Variants in CASP10 observed in about 807,000 individuals in gnomAD.
CASP10 encodes caspase 10, also known as caspase-10.
Under a neutral mutation model 48.5 loss-of-function variants are expected in CASP10, and 41 were observed. The observed-to-expected ratio is 0.85, with a 90% CI of 0.66 to 1.10. The LOEUF (loss-of-function observed/expected upper bound fraction) is 1.10. Among genes scored for constraint, CASP10 ranks in the 50% least tolerant of loss-of-function variants. The probability of loss-of-function intolerance (pLI) is 0.00; values close to 1 mark genes in which losing one functional copy is unlikely to be tolerated. For missense variants in CASP10, 614 were observed against 614.5 expected (o/e 1.00, Z 0.01); for synonymous variants, 232 against 238.4 (o/e 0.97, Z 0.25).
chr2:201,216,122 T>C (rs1322962414), intron 9 of CASP10, among the ~76,000 whole-genome samples: 2 of 151,124 alleles, frequency 1.3e-5, no homozygotes, highest in East Asian at 1.9e-4. Context: ...AATATTTAAG[T>C]TAATGATATT....
intron 9 of CASP10, among the ~76,000 whole-genome samples, chr2:201,211,806 TA>T (rs1483718132): frequency 6.6e-6 from 1 of 152,298 alleles, no homozygotes; most frequent in East Asian, 1.9e-4. Flanking sequence ...CTATTTTCCA[TA>T]ATGGCTGTAC....
intron 4 of CASP10, 152 bp from the exon 5 acceptor site, chr2:201,195,690 T>A (rs1944765539): frequency 1.6e-6 from 1 of 637,702 alleles, no homozygotes; most frequent in African/African-American, 1.8e-5. Context: ...TTTTTTTTCT[T>A]TTTTTTGAGA....
chr2:201,219,564 G>A lies in CASP10; in HGVS notation c.*1823G>A, dbSNP rs1945669594. ...GGCCCAAGGCATGAGGAGAGAGGCT[G>A]TGTCAGAAACTGAAGCTGTTCTCAG... On this transcript the variant is annotated 3_prime_UTR_variant, in exon 10 of 10. Coordinates refer to ENST00000286186, the MANE Select transcript of CASP10 (RefSeq NM_032977.4). 2.0e-6 allele frequency: 2 copies of A among 985,522 alleles called. No individual in the cohort carries two copies. Among genetic ancestry groups the A allele is most frequent in the Non-Finnish European group, 1.2e-6 (1 of 830,012 alleles). 61.0% of individuals were successfully genotyped at this position (985,522 alleles called of 1,614,324 possible).
rs886067197 is a variant in CASP10, at chr2:201,208,289, G to T, written c.922+106G>T. The T allele has an allele frequency of 4.1e-6, 6 of 1,459,794 alleles. No individual in the cohort carries two copies. In the African/African-American group the frequency reaches 8.6e-5, roughly 21 times the overall value. The allele number at this position is 1,459,794 out of a possible 1,614,324, so 90.4% of individuals were successfully genotyped here. A position where few individuals can be genotyped will look rare whatever the true frequency, so the allele number is the denominator to read the frequency against. ...ACTTTTATCTTCCATATACGTGTAA[G>T]GATGATATCATGTTTCTGAGCCTCT... On this transcript the variant is annotated intron_variant, in intron 8 of 9. Coordinates refer to ENST00000286186, the MANE Select transcript of CASP10 (RefSeq NM_032977.4).
At chr2:201,216,868 C>T (rs144852897) in intron 9 of CASP10, among the ~76,000 whole-genome samples, 207 of 152,222 alleles carry the variant, frequency 1.4e-3, no homozygotes, top group African/African-American at 4.8e-3. Context: ...TATGTATTGC[C>T]TACCCTGAGA....
chr2:201,186,126 T>G lies in CASP10; in HGVS notation c.347+2T>G, dbSNP rs536573363. ...CCGACAAAGGGTTTCTCTGTTTAGG[T>G]GAGGACGGGTCTGTGGTGGAGATGG... On this transcript the variant is annotated splice_donor_variant, in intron 2 of 9. Transcript: ENST00000286186. LOFTEE classifies it high-confidence loss of function. 8.7e-6 allele frequency: 14 copies of G among 1,607,850 alleles called. No homozygotes were observed. The South Asian group carries it at 1.5e-4, about 18-fold the overall frequency.
chr2:201,221,009 A>G lies in CASP10; in HGVS notation c.*3268A>G. Reference sequence around the variant, plus strand: ...AAAACATTAGCTGTTGGGAAGACGAAAAAGAATGTGTCCTATGTGTGCATC... The same window carrying G: ...AAAACATTAGCTGTTGGGAAGACGAGAAAGAATGTGTCCTATGTGTGCATC... On this transcript the variant is annotated 3_prime_UTR_variant, in exon 10 of 10. Transcript: ENST00000286186. 1 of 985,420 alleles carries G rather than the reference A, an allele frequency of 1.0e-6. No homozygotes were observed. The allele number at this position is 985,420 out of a possible 1,614,324, so 61.0% of individuals were successfully genotyped here.
intron 3 of CASP10, among the ~76,000 whole-genome samples, chr2:201,188,336 T>G (rs1311029045): frequency 6.6e-6 from 1 of 151,960 alleles, no homozygotes; most frequent in Non-Finnish European, 1.5e-5. Context: ...TGCACCACCA[T>G]GCCCAGCTAA....
chr2:201,203,650 C>G, intron 5 of CASP10, 80 bp from the exon 6 acceptor site: 1 of 1,232,064 alleles, frequency 8.1e-7, no homozygotes, highest in Non-Finnish European at 1.2e-6. Context: ...CTGTCCTTCC[C>G]TGCATCAAGT....
At chr2:201,214,041 T>C (rs1945489711) in intron 9 of CASP10, 1 of 152,146 alleles carries the variant, frequency 6.6e-6, no homozygotes, top group African/African-American at 2.4e-5. Context: ...AGTATAGGGG[T>C]ATTTTTACTA....
intron 1 of CASP10, among the ~76,000 whole-genome samples, chr2:201,185,437 A>G (rs540352636): frequency 6.6e-6 from 1 of 152,310 alleles, no homozygotes; most frequent in East Asian, 1.9e-4. Flanking sequence ...AAGGGCTCCA[A>G]TCAGGCTACC....
rs373782292 is a variant in CASP10 at position 201,198,676 on chromosome 2, G to T, written c.684+2728G>T. Among the ~76,000 whole-genome samples the T allele has an allele frequency of 1.2e-4, 18 of 151,320 alleles. No homozygotes were observed. In the South Asian group the frequency reaches 1.7e-3, roughly 14 times the overall value. On this transcript the variant is annotated intron_variant, in intron 5 of 9. Coordinates refer to ENST00000286186, the MANE Select transcript of CASP10 (RefSeq NM_032977.4). ...CTGCCTCATCCTTCCAAGTAGCTGGGACCACAGGCGCCCGCCACCACGCCT... is the reference window on the plus strand; with the variant it reads ...CTGCCTCATCCTTCCAAGTAGCTGGTACCACAGGCGCCCGCCACCACGCCT...
chr2:201,195,024 G>T (rs779294867), intron 4 of CASP10, among the ~76,000 whole-genome samples: 2 of 152,050 alleles, frequency 1.3e-5, no homozygotes, highest in African/African-American at 2.4e-5. Flanking sequence ...TGATCAGCCT[G>T]CCTCGGCCTC....
intron 2 of CASP10, among the ~76,000 whole-genome samples, chr2:201,186,858 T>C (rs1329053796): frequency 1.3e-5 from 2 of 152,094 alleles, no homozygotes; most frequent in Non-Finnish European, 2.9e-5. Flanking sequence ...GGCTAATTTT[T>C]GTATTTTTAG....
At chr2:201,203,806 A>G (rs201344920) in intron 6 of CASP10, 40 bp downstream of exon 6, 3 of 1,500,332 alleles carry the variant, frequency 2.0e-6, no homozygotes, top group Non-Finnish European at 2.8e-6. Context: ...TTAGATCGGT[A>G]TGGTAGGGAT....
At chr2:201,211,288 A>G (rs553872177) in intron 9 of CASP10, among the ~76,000 whole-genome samples, 284 of 152,312 alleles carry the variant, frequency 1.9e-3, no homozygotes, top group Admixed American at 4.1e-3. Flanking sequence ...AGAATGCCTT[A>G]CTGTTAACCA....
intron 9 of CASP10, among the ~76,000 whole-genome samples, chr2:201,215,859 C>A (rs1339422456): frequency 6.6e-6 from 1 of 151,868 alleles, no homozygotes; most frequent in Non-Finnish European, 1.5e-5. Flanking sequence ...GTTGTCCAGG[C>A]TAGACTTGAA....
At chr2:201,198,679 C>T (rs988035902) in intron 5 of CASP10, among the ~76,000 whole-genome samples, 5 of 151,204 alleles carry the variant, frequency 3.3e-5, no homozygotes, top group Non-Finnish European at 5.9e-5. Flanking sequence ...TAGCTGGGAC[C>T]ACAGGCGCCC....
intron 9 of CASP10, among the ~76,000 whole-genome samples, chr2:201,216,896 A>G (rs897686206): frequency 2.6e-5 from 4 of 152,128 alleles, no homozygotes; most frequent in Non-Finnish European, 5.9e-5. Flanking sequence ...GCTAAATGCT[A>G]TATGTCCTGC....
Sources: gnomAD v4.1 joint callset for allele counts (sites outside exome capture counted in the v4.1 genomes callset) on GRCh38, gnomAD v4.1.1 for gene constraint, MANE v1.5 for transcripts, NCBI Gene and HGNC (gene_info 2026-07-23, HGNC 2026-07-21) for gene names.